The following GABRB3 variants were observed in gnomAD, a reference collection of about 807,000 sequenced individuals.
GABRB3 encodes gamma-aminobutyric acid type A receptor subunit beta3, also known as gamma-aminobutyric acid receptor subunit beta-3.
GABRB3 carries 14 observed loss-of-function variants against 52.1 expected under a neutral mutation model. That is an observed-to-expected ratio of 0.27 (90% confidence interval 0.18 to 0.42). The LOEUF (loss-of-function observed/expected upper bound fraction) is 0.42, where lower values mean the gene tolerates loss of function less well. Ranked by LOEUF, GABRB3 falls within the 10% of genes least tolerant of loss-of-function variation. The pLI is 1.00. For synonymous variants in GABRB3, 260 were observed against 232.3 expected, an observed-to-expected ratio of 1.12 and a Z score of -1.08; for missense variants, 307 against 609.1, an observed-to-expected ratio of 0.50 and a Z score of 5.22.
intron 4 of GABRB3, among the ~76,000 whole-genome samples, chr15:26,602,880 C>A (rs1370288791): frequency 6.6e-6 from 1 of 151,734 alleles, no homozygotes; most frequent in Non-Finnish European, 1.5e-5. Context: ...GCAAACAAAA[C>A]CCCAAATTAA....
intron 3 of GABRB3, among the ~76,000 whole-genome samples, chr15:26,714,988 C>CA (rs1448123756): frequency 7.9e-5 from 12 of 151,910 alleles, no homozygotes; most frequent in Admixed American, 5.2e-4. Flanking sequence ...AAGCCACGTG[C>CA]AAAAAAATTA....
At chr15:26,646,063 A>G (rs747713050) in intron 3 of GABRB3, among the ~76,000 whole-genome samples, 2 of 152,206 alleles carry the variant, frequency 1.3e-5, no homozygotes, top group Non-Finnish European at 2.9e-5. Context: ...TTAATGAGGT[A>G]TAATTTACAC....
intron 3 of GABRB3, among the ~76,000 whole-genome samples, chr15:26,662,834 C>T (rs1449240824): frequency 6.6e-6 from 1 of 152,142 alleles, no homozygotes; most frequent in Admixed American, 6.5e-5. Flanking sequence ...CCCAACACAT[C>T]TTTTAGTGTT....
intron 3 of GABRB3, among the ~76,000 whole-genome samples, chr15:26,703,253 C>A (rs1888993560): frequency 6.6e-6 from 1 of 152,156 alleles, no homozygotes; most frequent in Non-Finnish European, 1.5e-5. Flanking sequence ...GGCACCGGCA[C>A]CTGGTGGGGG....
chr15:26,691,566 G>A (rs1257548847), intron 3 of GABRB3, among the ~76,000 whole-genome samples: 1 of 152,160 alleles, frequency 6.6e-6, no homozygotes, highest in Non-Finnish European at 1.5e-5. Flanking sequence ...GAATTTGCAA[G>A]CAGGTTCTTC....
chr15:26,554,144 G>GTGTGTGTGTATATA (rs1567097228), intron 8 of GABRB3, among the ~76,000 whole-genome samples: 4 of 32,302 alleles, frequency 1.2e-4, no homozygotes, highest in African/African-American at 4.7e-4. Context: ...TATATATAAA[G>GTGTGTGTGTATATA]TATATATATA....
intron 3 of GABRB3, among the ~76,000 whole-genome samples, chr15:26,746,607 G>GT (rs1371719433): frequency 7.0e-6 from 1 of 142,430 alleles, no homozygotes; most frequent in Non-Finnish European, 1.5e-5. Flanking sequence ...TGGAGTTTGT[G>GT]TAAGTCTGAG....
At chr15:26,717,121 G>A (rs12439482) in intron 3 of GABRB3, among the ~76,000 whole-genome samples, 111,837 of 119,486 alleles carry the variant, frequency 0.94, 52,299 homozygotes, top group Admixed American at 0.96. Context: ...GGGGACATCC[G>A]CCCAATGACA....
chr15:26,567,161 A>C (rs1890209875), intron 7 of GABRB3, among the ~76,000 whole-genome samples: 1 of 152,186 alleles, frequency 6.6e-6, no homozygotes, highest in Non-Finnish European at 1.5e-5. Flanking sequence ...TCCATATTTT[A>C]ATGCTCATTA....
chr15:26,719,825 T>C (rs1404928773), intron 3 of GABRB3, among the ~76,000 whole-genome samples: 2 of 152,160 alleles, frequency 1.3e-5, no homozygotes, highest in Non-Finnish European at 2.9e-5. Flanking sequence ...CAATAACTGA[T>C]AGCATAACCC....
At position 26,667,206 on chromosome 15, in the gene GABRB3, C is replaced by T. The variant is rs576971565; in HGVS notation, c.241-45672G>A. Among the ~76,000 whole-genome samples the T allele has an allele frequency of 1.4e-4, 21 of 152,300 alleles. No homozygotes were observed. The South Asian group carries it at 3.7e-3, about 27-fold the overall frequency. On this transcript the variant is annotated intron_variant, in intron 3 of 8. Transcript: ENST00000311550. ...TGCAGGTTTCACACCTGGGTTAGGG[C>T]GCAGCCACGATTCCAGCCAAAGTCT...
intron 3 of GABRB3, among the ~76,000 whole-genome samples, chr15:26,741,124 A>G (rs1225160433): frequency 6.6e-6 from 1 of 151,948 alleles, no homozygotes; most frequent in Non-Finnish European, 1.5e-5. Context: ...AAAAATTCCT[A>G]TATGGACTTT....
intron 3 of GABRB3, among the ~76,000 whole-genome samples, chr15:26,640,630 T>C (rs1475995108): frequency 6.6e-6 from 1 of 152,246 alleles, no homozygotes; most frequent in East Asian, 1.9e-4. Flanking sequence ...TATTAAAATA[T>C]AGGTTTTCCA....
chr15:26,718,503 C>T (rs1048109215), intron 3 of GABRB3, among the ~76,000 whole-genome samples: 2 of 152,198 alleles, frequency 1.3e-5, no homozygotes, highest in Admixed American at 1.3e-4. Context: ...GCCACCGCGC[C>T]CAGCCTTAAT....
At chr15:26,584,314 G>C (rs1890900407) in intron 4 of GABRB3, among the ~76,000 whole-genome samples, 1 of 152,174 alleles carries the variant, frequency 6.6e-6, no homozygotes, top group Non-Finnish European at 1.5e-5. Context: ...ACTACAGACA[G>C]AGCCTATGTG....
intron 3 of GABRB3, among the ~76,000 whole-genome samples, chr15:26,749,246 C>A (rs1336828211): frequency 6.6e-6 from 1 of 151,794 alleles, no homozygotes; most frequent in African/African-American, 2.4e-5. Context: ...TACTATGTAT[C>A]ATTTTATTTT....
chr15:26,574,728 A>G (rs139260235), intron 6 of GABRB3, among the ~76,000 whole-genome samples: 12 of 150,618 alleles, frequency 8.0e-5, no homozygotes, highest in African/African-American at 2.9e-4. Flanking sequence ...GTGGTTGTCT[A>G]GGGTTGGGAG....
intron 3 of GABRB3, among the ~76,000 whole-genome samples, chr15:26,646,473 G>A (rs575242806): frequency 2.2e-4 from 34 of 152,282 alleles, no homozygotes; most frequent in African/African-American, 7.7e-4. Context: ...TAGTGAGCAT[G>A]TGGGTTATTT....
At chr15:26,625,559 G>C in intron 3 of GABRB3, 1 of 894,870 alleles carries the variant, frequency 1.1e-6, no homozygotes, top group Non-Finnish European at 1.3e-6. Flanking sequence ...GATACTTTGA[G>C]ACTTTAAAAG....
Sources: allele counts gnomAD v4.1 joint callset (sites outside exome capture counted in the v4.1 genomes callset), GRCh38; gene constraint gnomAD v4.1.1; transcripts MANE v1.5; gene names NCBI Gene and HGNC (gene_info 2026-07-23, HGNC 2026-07-21).